The following RASEF variants were observed in gnomAD, a reference collection of about 807,000 sequenced individuals.
RASEF encodes ras and EF-hand domain-containing protein.
Under a neutral mutation model 90.1 loss-of-function variants are expected in RASEF, and 68 were observed. The observed-to-expected ratio is 0.75, with a 90% CI of 0.62 to 0.92. The LOEUF (loss-of-function observed/expected upper bound fraction) is 0.92, where lower values mean the gene tolerates loss of function less well. Ranked by LOEUF, RASEF falls within the 40% of genes least tolerant of loss-of-function variation. The probability of loss-of-function intolerance (pLI) is 0.00; values close to 1 mark genes in which losing one functional copy is unlikely to be tolerated. For synonymous variants in RASEF, 331 were observed against 345.2 expected, an observed-to-expected ratio of 0.96 and a Z score of 0.46; for missense variants, 949 against 937.2, an observed-to-expected ratio of 1.01 and a Z score of -0.16.
the RASEF span, among the ~76,000 whole-genome samples, chr9:83,211,470 C>T: frequency 1.3e-5 from 2 of 152,108 alleles, no homozygotes; most frequent in Non-Finnish European, 2.9e-5. Flanking sequence ...CACACTGTAG[C>T]AAAGTCAAAG....
At chr9:83,030,812 C>G (rs1014211292) in intron 1 of RASEF, among the ~76,000 whole-genome samples, 1 of 152,188 alleles carries the variant, frequency 6.6e-6, no homozygotes, top group Admixed American at 6.5e-5. Flanking sequence ...CCTCTAAAAT[C>G]GCTTACAAAA....
chr9:83,105,072 T>C, the RASEF span, among the ~76,000 whole-genome samples: 2 of 152,292 alleles, frequency 1.3e-5, no homozygotes, highest in East Asian at 3.9e-4. Context: ...ATAATTTTCA[T>C]TGTTAACTGG....
At chr9:83,190,382 T>C in the RASEF span, among the ~76,000 whole-genome samples, 11 of 152,238 alleles carry the variant, frequency 7.2e-5, no homozygotes, top group African/African-American at 2.4e-4. Context: ...CTATGAGTTA[T>C]CTATTTCGTT....
chr9:83,115,906 T>A, the RASEF span, among the ~76,000 whole-genome samples: 1 of 152,186 alleles, frequency 6.6e-6, no homozygotes, highest in African/African-American at 2.4e-5. Flanking sequence ...CTACAACTAT[T>A]TTTTAAAACC....
the RASEF span, among the ~76,000 whole-genome samples, chr9:83,089,992 T>C: frequency 6.6e-6 from 1 of 152,222 alleles, no homozygotes; most frequent in East Asian, 1.9e-4. Flanking sequence ...GTCTGCTTAA[T>C]GGTGTCCCAC....
At chr9:83,124,058 T>C in the RASEF span, among the ~76,000 whole-genome samples, 6 of 152,230 alleles carry the variant, frequency 3.9e-5, no homozygotes, top group African/African-American at 1.4e-4. Context: ...ATTTGTCCTT[T>C]TGTGACTGGC....
the RASEF span, among the ~76,000 whole-genome samples, chr9:83,202,738 T>A: frequency 6.6e-6 from 1 of 152,116 alleles, no homozygotes; most frequent in Non-Finnish European, 1.5e-5. Flanking sequence ...CCTCAGGTGA[T>A]CCTCCCACCT....
chr9:82,999,208 T>C (rs1316689694), intron 12 of RASEF, among the ~76,000 whole-genome samples: 1 of 144,070 alleles, frequency 6.9e-6, no homozygotes, highest in African/African-American at 2.6e-5. Flanking sequence ...CCTTTTACTA[T>C]TATGCAAATT....
At chr9:83,059,303 C>CACAG (rs1830163404) in intron 1 of RASEF, among the ~76,000 whole-genome samples, 1 of 148,704 alleles carries the variant, frequency 6.7e-6, no homozygotes, top group Non-Finnish European at 1.5e-5. Flanking sequence ...CACACACACA[C>CACAG]AGCCTATTTC....
the RASEF span, among the ~76,000 whole-genome samples, chr9:83,101,107 A>G: frequency 1.3e-5 from 2 of 152,190 alleles, no homozygotes; most frequent in African/African-American, 4.8e-5. Flanking sequence ...TTAAATGTGC[A>G]TTTCAGTTCA....
the RASEF span, among the ~76,000 whole-genome samples, chr9:83,158,626 A>G: frequency 2.1e-5 from 3 of 141,418 alleles, no homozygotes; most frequent in Admixed American, 7.2e-5. Flanking sequence ...ATATATGTAC[A>G]TATGTATATA....
At chr9:83,077,403 C>T in the RASEF span, among the ~76,000 whole-genome samples, 44 of 152,236 alleles carry the variant, frequency 2.9e-4, no homozygotes, top group Non-Finnish European at 4.9e-4. Flanking sequence ...TTATTAGAAT[C>T]GGTCATTAAA....
intron 6 of RASEF, among the ~76,000 whole-genome samples, chr9:83,008,891 CATATATATATATATATATATAT>C (rs56810511): frequency 5.1e-5 from 1 of 19,564 alleles, no homozygotes; most frequent in Non-Finnish European, 1.2e-4. Context: ...AAGTTCTCAT[CATATATATATATATATATATAT>C]ATATATATAT....
At chr9:83,169,329 T>A in the RASEF span, among the ~76,000 whole-genome samples, 1 of 148,892 alleles carries the variant, frequency 6.7e-6, no homozygotes, top group Non-Finnish European at 1.5e-5. Flanking sequence ...GCAAATAATA[T>A]CTCTGATATA....
chr9:83,169,959 T>C, the RASEF span, among the ~76,000 whole-genome samples: 136 of 152,234 alleles, frequency 8.9e-4, no homozygotes, highest in Non-Finnish European at 1.2e-3. Flanking sequence ...TTTTTTTCTT[T>C]TGTTGCCTGT....
At chr9:83,025,283 T>C (rs568192207) in intron 2 of RASEF, among the ~76,000 whole-genome samples, 4 of 152,224 alleles carry the variant, frequency 2.6e-5, no homozygotes, top group Admixed American at 2.6e-4. Flanking sequence ...GCACCCACCA[T>C]GTGGTGGGCA....
intron 1 of RASEF, among the ~76,000 whole-genome samples, chr9:83,033,262 C>T (rs1234341546): frequency 6.6e-6 from 1 of 152,178 alleles, no homozygotes; most frequent in Non-Finnish European, 1.5e-5. Context: ...CATGAGAGAT[C>T]TTGAAAATGC....
chr9:83,012,215 C>T lies in RASEF; in HGVS notation c.843+219G>A, dbSNP rs183036459. ...AAATGTAAGCACTAGGTCTTTATTA[C>T]TTTGTATGAAAAATAAGTAAAAGCT... On this transcript the variant is annotated intron_variant, in intron 5 of 16. Coordinates refer to ENST00000376447, the MANE Select transcript of RASEF (RefSeq NM_152573.4). Among the ~76,000 whole-genome samples the T allele has an allele frequency of 3.2e-3, 482 of 152,176 alleles. 4 individuals carry two copies. The highest frequency in any genetic ancestry group is 0.011 in the African/African-American group (460 of 41,532).
the RASEF span, among the ~76,000 whole-genome samples, chr9:83,175,331 A>G: frequency 6.6e-6 from 1 of 152,140 alleles, no homozygotes; most frequent in South Asian, 2.1e-4. Context: ...ATTGGACTTT[A>G]TCAGTTGTTT....
Sources: allele counts gnomAD v4.1 joint callset (sites outside exome capture counted in the v4.1 genomes callset), GRCh38; gene constraint gnomAD v4.1.1; transcripts MANE v1.5; gene names NCBI Gene and HGNC (gene_info 2026-07-23, HGNC 2026-07-21).